The following SHPK variants were observed in gnomAD, a reference collection of about 807,000 sequenced individuals.
SHPK encodes the protein carbohydrate kinase-like protein.
In SHPK, 51 loss-of-function variants were observed where a neutral mutation model predicts 46.3. The ratio of observed to expected loss-of-function variants is 1.10; its 90% CI spans 0.88 to 1.39. The LOEUF (loss-of-function observed/expected upper bound fraction) is 1.39. Among genes scored for constraint, SHPK ranks in the 40% most tolerant of loss-of-function variants. The pLI, the probability that SHPK is intolerant of heterozygous loss-of-function variation, is 0.00. For missense variants in SHPK, 668 were observed against 641.3 expected (o/e 1.04, Z -0.45); for synonymous variants, 290 against 273.9 (o/e 1.06, Z -0.58).
At chr17:3,631,274 G>A (rs2075469888) in intron 1 of SHPK, among the ~76,000 whole-genome samples, 1 of 150,254 alleles carries the variant, frequency 6.7e-6, no homozygotes, top group South Asian at 2.1e-4. Flanking sequence ...AAGACAAGAG[G>A]CACAGAGGAG....
In SHPK at chr17:3,610,835, TTCTGG is replaced by T. The variant is rs747237525; in HGVS notation, c.1157_1161del (p.Thr386AsnfsTer51). 3.7e-6 allele frequency: 6 copies of T among 1,613,920 alleles called. No homozygotes were observed. Among genetic ancestry groups the T allele is most frequent in the Non-Finnish European group, 2.5e-6 (3 of 1,180,000 alleles). On this transcript the variant is annotated frameshift_variant, in exon 7 of 7. Transcript: ENST00000225519. LOFTEE classifies it high-confidence loss of function. ...CCCAGGGAGAGGTCGGAGGAGGAGA[TTCTGG>T]TCACTGAGGCCAGCTGGTCCGGCAG...
intron 5 of SHPK, among the ~76,000 whole-genome samples, chr17:3,618,779 CAA>C (rs111887915): frequency 3.8e-5 from 5 of 132,856 alleles, no homozygotes; most frequent in Admixed American, 7.6e-5. Flanking sequence ...GACTCCATCT[CAA>C]AAAAAAAAAA....
rs753601200 is a variant in SHPK at position 3,615,475 on chromosome 17, G to A, written c.886C>T (p.Gln296Ter). The A allele has an allele frequency of 2.5e-6, 4 of 1,614,186 alleles. No homozygotes were observed. The highest frequency in any genetic ancestry group is 3.4e-6 in the Non-Finnish European group (4 of 1,180,018). ...ACTGGGGCCGTAGGGTCTGGAGTCT[G>A]TGCAGGCTGGAATCCTGAAGGCATG... The part of the protein sequence containing the change: ...ASMPSGFQPA[Q>*]TPDPTAPVAY... Residue 296 changes from glutamine (Q) to a stop codon, truncating the protein, a stop_gained, in exon 6 of 7, where the codon CAG becomes TAG. Coordinates refer to ENST00000225519, the MANE Select transcript of SHPK (RefSeq NM_013276.4). LOFTEE classifies it high-confidence loss of function.
chr17:3,617,977 T>C (rs1291231476), intron 5 of SHPK, among the ~76,000 whole-genome samples: 7 of 152,250 alleles, frequency 4.6e-5, no homozygotes, highest in Non-Finnish European at 7.3e-5. Context: ...TTGTCTGCCC[T>C]ATCAAAATTG....
intron 2 of SHPK, among the ~76,000 whole-genome samples, chr17:3,624,441 T>A (rs1028787387): frequency 2.6e-5 from 4 of 152,036 alleles, no homozygotes; most frequent in African/African-American, 9.7e-5. Flanking sequence ...ACATACTCCC[T>A]CCATTTGCCC....
rs371876182 is a variant in SHPK at position 3,632,118 on chromosome 17, G to A, written c.169-1772C>T. 1.1e-4 allele frequency among the ~76,000 whole-genome samples: 17 copies of A among 151,708 alleles called. No individual in the cohort carries two copies. The East Asian group carries it at 1.2e-3, about 10-fold the overall frequency. On this transcript the variant is annotated intron_variant, in intron 1 of 6. Transcript: ENST00000225519. Reference sequence around the variant, plus strand: ...ACTATAGGTGCGCGCCACCACACCCGGCTAATTTTTGTATTTTTAGTAGAG... The same window carrying A: ...ACTATAGGTGCGCGCCACCACACCCAGCTAATTTTTGTATTTTTAGTAGAG...
chr17:3,617,906 C>T (rs550663271), intron 5 of SHPK, among the ~76,000 whole-genome samples: 22 of 152,272 alleles, frequency 1.4e-4, no homozygotes, highest in Admixed American at 5.2e-4. Context: ...CTTATGCCTT[C>T]GTCAAAATCT....
rs141876125 is a variant in SHPK, at chr17:3,618,162, A to C, written c.824-2625T>G. On this transcript the variant is annotated intron_variant, in intron 5 of 6. Coordinates refer to ENST00000225519, the MANE Select transcript of SHPK (RefSeq NM_013276.4). Reference sequence around the variant, plus strand: ...CACTCTGTTGCCCAGGCTGGAGTGCACTGGCGCGATCTCAGCTCACAGCAA... The same window carrying C: ...CACTCTGTTGCCCAGGCTGGAGTGCCCTGGCGCGATCTCAGCTCACAGCAA... Among the ~76,000 whole-genome samples, 299 of 152,210 alleles carry C rather than the reference A, an allele frequency of 2.0e-3. 2 individuals are homozygous for C. The highest frequency in any genetic ancestry group is 7.0e-3 in the African/African-American group (289 of 41,528).
chr17:3,621,637 CTTCT>C (rs199651761), intron 4 of SHPK, among the ~76,000 whole-genome samples: 4,340 of 139,278 alleles, frequency 0.031, 87 homozygotes, highest in Middle Eastern at 0.082. Flanking sequence ...TCCTTCCTTC[CTTCT>C]TTCTTTCTTT....
chr17:3,610,538 G>A lies in SHPK; in HGVS notation c.*22C>T, dbSNP rs201772890. 2,186 of 1,576,554 alleles carry A rather than the reference G, an allele frequency of 1.4e-3. 6 individuals carry two copies. Among genetic ancestry groups the A allele is most frequent in the Non-Finnish European group, 1.7e-3 (2,006 of 1,156,672 alleles). On this transcript the variant is annotated 3_prime_UTR_variant, in exon 7 of 7. Coordinates refer to ENST00000225519, the MANE Select transcript of SHPK (RefSeq NM_013276.4). ...TAATCAGGTAAAATTCACAGCAGTC[G>A]TTTGGCGAAAGAGTTTGCTGTCTAA...
At chr17:3,621,806 C>A in intron 4 of SHPK, among the ~76,000 whole-genome samples, 1 of 151,862 alleles carries the variant, frequency 6.6e-6, no homozygotes, top group East Asian at 1.9e-4. Context: ...GCGCACACCA[C>A]CATGCCCAGC....
chr17:3,624,087 C>T lies in SHPK; in HGVS notation c.455G>A (p.Gly152Asp). ...QPKSHLSVAT[G>D]FGCATIFWLL... Reference sequence around the variant, plus strand: ...CCAGAAGATGGTTGCACAGCCGAAGCCCGTGGCCACACTGAGATGAGACTT... The same window carrying T: ...CCAGAAGATGGTTGCACAGCCGAAGTCCGTGGCCACACTGAGATGAGACTT... Residue 152 changes from glycine to aspartate, a missense_variant, in exon 3 of 7, where the codon GGC becomes GAC. Gly to Asp is a moderately conservative substitution (Grantham distance 94, BLOSUM62 -1). Transcript: ENST00000225519. The T allele has an allele frequency of 1.2e-6, 2 of 1,613,802 alleles. No individual in the cohort carries two copies. The highest frequency in any genetic ancestry group is 8.5e-7 in the Non-Finnish European group (1 of 1,179,710).
At chr17:3,614,986 A>G (rs1001005127) in intron 6 of SHPK, among the ~76,000 whole-genome samples, 2 of 152,186 alleles carry the variant, frequency 1.3e-5, no homozygotes, top group Non-Finnish European at 2.9e-5. Flanking sequence ...TGGAGAGCAG[A>G]GAAAACTTCA....
rs1346338353 is a variant in SHPK at position 3,618,572 on chromosome 17, G to A, written c.823+2665C>T. 3.9e-5 allele frequency among the ~76,000 whole-genome samples: 6 copies of A among 152,176 alleles called. No individual in the cohort carries two copies. In the South Asian group the frequency reaches 1.0e-3, roughly 26 times the overall value. ...CGAGGCAGGTGGATCACAAGGTCAA[G>A]AGATCGAGACCATCCTGGCCAACAT... On this transcript the variant is annotated intron_variant, in intron 5 of 6. Transcript: ENST00000225519.
chr17:3,622,459 C>T (rs1223148156), intron 4 of SHPK: 1 of 398,106 alleles, frequency 2.5e-6, no homozygotes, highest in Non-Finnish European at 3.4e-6. Flanking sequence ...ATGCAGCAGG[C>T]TCCTGAATAT....
chr17:3,611,080 C>T, intron 6 of SHPK, 108 bp from the exon 7 acceptor site: 1 of 1,045,654 alleles, frequency 9.6e-7, no homozygotes, highest in Non-Finnish European at 1.4e-6. Context: ...GCTGCTTCTC[C>T]TCCCGCTGCA....
intron 2 of SHPK, among the ~76,000 whole-genome samples, chr17:3,627,462 A>C (rs8073757): frequency 1.3e-5 from 2 of 151,684 alleles, no homozygotes; most frequent in East Asian, 1.9e-4. Flanking sequence ...CTTCATTTCT[A>C]TCTCTCCCCC....
chr17:3,619,833 G>T, intron 5 of SHPK: 1 of 420,996 alleles, frequency 2.4e-6, no homozygotes, highest in Non-Finnish European at 4.7e-6. Context: ...GTATAGCTTG[G>T]TTCCTCTCCT....
chr17:3,609,122 G>T lies in SHPK; in HGVS notation c.*1438C>A, dbSNP rs2075319821. 1.3e-5 allele frequency: 2 copies of T among 152,212 alleles called. No homozygotes were observed. Among genetic ancestry groups the T allele is most frequent in the Non-Finnish European group, 2.9e-5 (2 of 68,062 alleles). The allele number at this position is 152,212 out of a possible 1,614,324, so 9.4% of individuals were successfully genotyped here. The stretch of plus-strand genomic sequence containing the variant: ...GCTGGTCTTGAACTCCTGACCTCAG[G>T]TGATTCACCCACTTGGGCTTCCCAA... On this transcript the variant is annotated 3_prime_UTR_variant, in exon 7 of 7. Transcript: ENST00000225519.
Sources: gnomAD v4.1 joint callset for allele counts (sites outside exome capture counted in the v4.1 genomes callset) on GRCh38, gnomAD v4.1.1 for gene constraint, MANE v1.5 for transcripts, NCBI Gene and HGNC (gene_info 2026-07-23, HGNC 2026-07-21) for gene names.